Variants in EPB41 observed in about 807,000 individuals in gnomAD.
EPB41 encodes erythrocyte membrane protein band 4.1.
A neutral mutation model predicts 108.0 loss-of-function variants in EPB41; 65 were observed. The observed-to-expected ratio is 0.60, with a 90% confidence interval of 0.49 to 0.74. EPB41 has a LOEUF of 0.74. Among genes scored for constraint, EPB41 ranks in the 30% least tolerant of loss-of-function variants. The pLI, the probability that EPB41 is intolerant of heterozygous loss-of-function variation, is 0.00. For synonymous variants in EPB41, 336 were observed against 358.9 expected (o/e 0.94, Z 0.72); for missense variants, 875 against 1,037.0 (o/e 0.84, Z 2.15).
At chr1:28,907,587 GACA>G (rs926101366) in intron 1 of EPB41, among the ~76,000 whole-genome samples, 6 of 151,920 alleles carry the variant, frequency 3.9e-5, no homozygotes, top group Admixed American at 6.6e-5. Context: ...GGCATTCCTT[GACA>G]ACAAGTGAGC....
At chr1:29,103,756 C>T (rs1666206633) in intron 17 of EPB41, among the ~76,000 whole-genome samples, 1 of 152,184 alleles carries the variant, frequency 6.6e-6, no homozygotes. Context: ...TAACCTCCAC[C>T]TCCCAGGTTC....
chr1:28,967,843 C>T (rs1362410134), intron 1 of EPB41, among the ~76,000 whole-genome samples: 7 of 133,348 alleles, frequency 5.2e-5, no homozygotes, highest in African/African-American at 2.0e-4. Context: ...CTTCCTCTGT[C>T]GCCCAGGCTG....
intron 1 of EPB41, among the ~76,000 whole-genome samples, chr1:28,971,931 C>T (rs951922424): frequency 5.3e-5 from 8 of 151,892 alleles, no homozygotes; most frequent in African/African-American, 1.9e-4. Flanking sequence ...GACAGGGTCT[C>T]ATTCTGTCAC....
chr1:29,054,847 G>C (rs114859494), intron 12 of EPB41, among the ~76,000 whole-genome samples: 1,828 of 152,228 alleles, frequency 0.012, 37 homozygotes, highest in African/African-American at 0.039. Context: ...GTGAGACGCT[G>C]TCTCAAATAG....
At chr1:28,928,309 G>T (rs1312682163) in intron 1 of EPB41, among the ~76,000 whole-genome samples, 1 of 152,050 alleles carries the variant, frequency 6.6e-6, no homozygotes, top group Non-Finnish European at 1.5e-5. Flanking sequence ...AGAGGAGAAG[G>T]TCCAGAGGGA....
chr1:28,985,326 T>TA (rs34354928), intron 1 of EPB41, among the ~76,000 whole-genome samples: 99 of 150,028 alleles, frequency 6.6e-4, no homozygotes, highest in African/African-American at 1.9e-3. Flanking sequence ...TATACAATGA[T>TA]AAAAAAAAAA....
upstream of EPB41, chr1:28,911,003 G>A (rs2092226266): frequency 3.0e-6 from 3 of 985,268 alleles, no homozygotes; most frequent in South Asian, 9.4e-5. Context: ...CAGAGACGGT[G>A]CTTGGGACCT....
intron 17 of EPB41, among the ~76,000 whole-genome samples, chr1:29,107,795 G>A (rs1486048564): frequency 7.3e-6 from 1 of 137,354 alleles, no homozygotes; most frequent in African/African-American, 2.8e-5. Context: ...AGGTTGCAGT[G>A]AGCCGAGATC....
At position 29,013,374 on chromosome 1, in the gene EPB41, G is replaced by GA. The variant is rs200296599; in HGVS notation, c.829+1474dup. Among the ~76,000 whole-genome samples, 1,094 of 151,776 alleles carry GA rather than the reference G, an allele frequency of 7.2e-3. 13 individuals are homozygous for GA. The highest frequency in any genetic ancestry group is 0.026 in the African/African-American group (1,057 of 41,400). On this transcript the variant is annotated intron_variant, in intron 5 of 20. Coordinates refer to ENST00000343067, the MANE Select transcript of EPB41 (RefSeq NM_001376013.1). The stretch of plus-strand genomic sequence containing the variant: ...TAAAAACGCTTTCTTCAACATGGGG[G>GA]AAAAAAACAAAACAAAACAAGAAAA...
chr1:29,012,457 A>C (rs1449899763), intron 5 of EPB41, among the ~76,000 whole-genome samples: 1 of 152,212 alleles, frequency 6.6e-6, no homozygotes, highest in Non-Finnish European at 1.5e-5. Context: ...CCCTTCTGAC[A>C]TTGTGGCTTT....
intron 17 of EPB41, among the ~76,000 whole-genome samples, chr1:29,107,790 G>T (rs1241345718): frequency 6.9e-6 from 1 of 145,314 alleles, no homozygotes; most frequent in East Asian, 2.0e-4. Flanking sequence ...GGCAGAGGTT[G>T]CAGTGAGCCG....
At chr1:29,093,303 G>A (rs1463624381) in intron 16 of EPB41, among the ~76,000 whole-genome samples, 1 of 152,218 alleles carries the variant, frequency 6.6e-6, no homozygotes, top group Non-Finnish European at 1.5e-5. Flanking sequence ...CTAATGATCA[G>A]TGATACTGAG....
intron 1 of EPB41, among the ~76,000 whole-genome samples, chr1:28,939,568 C>T (rs1270726005): frequency 1.3e-5 from 2 of 151,940 alleles, no homozygotes; most frequent in East Asian, 1.9e-4. Flanking sequence ...CTCAGCCTCC[C>T]GAGTAGCTGG....
At chr1:29,099,284 A>AAG (rs1553303619) in intron 17 of EPB41, among the ~76,000 whole-genome samples, 6 of 150,440 alleles carry the variant, frequency 4.0e-5, no homozygotes, top group African/African-American at 1.2e-4. Context: ...AAAAAAAAAA[A>AAG]AAGAAGAAGA....
intron 7 of EPB41, among the ~76,000 whole-genome samples, chr1:29,023,335 A>AT (rs1285640329): frequency 6.6e-6 from 1 of 151,860 alleles, no homozygotes; most frequent in Non-Finnish European, 1.5e-5. Context: ...AACATTTTAA[A>AT]TTTTCCTTAG....
intron 4 of EPB41, among the ~76,000 whole-genome samples, chr1:29,010,152 C>T (rs2096475629): frequency 6.6e-6 from 1 of 152,088 alleles, no homozygotes; most frequent in African/African-American, 2.4e-5. Flanking sequence ...GCCTGGCCAA[C>T]ATGGTGAAAC....
At chr1:28,966,852 C>T (rs1036289949) in intron 1 of EPB41, among the ~76,000 whole-genome samples, 10 of 152,116 alleles carry the variant, frequency 6.6e-5, no homozygotes, top group African/African-American at 2.4e-4. Flanking sequence ...ATTGCAAGGA[C>T]TTTGCCCTTT....
Position 29,095,349 on chromosome 1 carries a change from C to T in EPB41, c.2185-2458C>T, listed in dbSNP as rs145579326. On this transcript the variant is annotated intron_variant, in intron 16 of 20. Transcript: ENST00000343067. ...TTTGATATCATGTTTGATGCCATGA[C>T]AGTGATTGAAGTAAGCCTGTGCTAG... Among the ~76,000 whole-genome samples, 108 of 152,296 alleles carry T rather than the reference C, an allele frequency of 7.1e-4. 1 individual carries two copies. The highest frequency in any genetic ancestry group is 2.1e-3 in the African/African-American group (87 of 41,560).
chr1:29,113,032 G>C (rs1370889181), intron 19 of EPB41, among the ~76,000 whole-genome samples: 1 of 152,156 alleles, frequency 6.6e-6, no homozygotes, highest in Non-Finnish European at 1.5e-5. Context: ...CTTGCTGTGT[G>C]ACCTTGGGCA....
Sources: allele counts gnomAD v4.1 joint callset (sites outside exome capture counted in the v4.1 genomes callset), GRCh38; gene constraint gnomAD v4.1.1; transcripts MANE v1.5; gene names NCBI Gene and HGNC (gene_info 2026-07-23, HGNC 2026-07-21).